CSMD3: variants seen among roughly 807,000 people sequenced by gnomAD.
CSMD3 encodes the protein CUB and sushi domain-containing protein 3.
CSMD3 carries 177 observed loss-of-function variants against 435.2 expected under a neutral mutation model. The ratio of observed to expected loss-of-function variants is 0.41; its 90% confidence interval spans 0.36 to 0.46. The LOEUF is 0.46. CSMD3 is among the 20% of genes least tolerant of loss of function. The pLI, the probability that CSMD3 is intolerant of heterozygous loss-of-function variation, is 0.34. For synonymous variants in CSMD3, 1,656 were observed against 1,520.5 expected (o/e 1.09, Z -2.07); for missense variants, 4,265 against 4,504.6 (o/e 0.95, Z 1.52).
At position 112,281,220 on chromosome 8, in the gene CSMD3, C is replaced by T. The variant is rs781662440; in HGVS notation, c.9462G>A (p.Gln3154=). ...CAGACCATGTTCCATTGGCTGTGCACTGTCTAACTGAAGGTCCAGAAAGGA... is the reference window on the plus strand; with the variant it reads ...CAGACCATGTTCCATTGGCTGTGCATTGTCTAACTGAAGGTCCAGAAAGGA... ...GYILSGPSVR[Q]CTANGTWSGT... The change falls in exon 59 of 71, where the codon CAG becomes CAA. Residue 3154 remains glutamine (Q), a synonymous_variant. Coordinates refer to ENST00000297405, the MANE Select transcript of CSMD3 (RefSeq NM_198123.2). 6.2e-7 allele frequency: 1 copy of T among 1,613,344 alleles called. No individual in the cohort carries two copies. Among genetic ancestry groups the T allele is most frequent in the Non-Finnish European group, 8.5e-7 (1 of 1,179,456 alleles).
intron 11 of CSMD3, among the ~76,000 whole-genome samples, chr8:112,841,021 A>G (rs1036925540): frequency 2.0e-5 from 3 of 151,710 alleles, no homozygotes; most frequent in Non-Finnish European, 2.9e-5. Context: ...TCAAACACTC[A>G]TATGTGTTAT....
intron 2 of CSMD3, 45 bp downstream of exon 2, chr8:113,314,526 C>T (rs1358423985): frequency 1.0e-5 from 12 of 1,173,564 alleles, no homozygotes; most frequent in Non-Finnish European, 1.4e-5. Flanking sequence ...CTACTTTTAC[C>T]CAGGAAATAT....
At chr8:113,081,717 G>C (rs2089571974) in intron 5 of CSMD3, among the ~76,000 whole-genome samples, 1 of 152,080 alleles carries the variant, frequency 6.6e-6, no homozygotes. Flanking sequence ...CTGGGACTCT[G>C]CAGATTTCTC....
At chr8:112,383,750 G>T in intron 36 of CSMD3, 87 bp from the exon 37 acceptor site, 1 of 862,808 alleles carries the variant, frequency 1.2e-6, no homozygotes, top group Non-Finnish European at 2.0e-6. Context: ...GGAAAAGAGA[G>T]TTCAAATCCT....
chr8:112,853,783 T>C (rs1475492972), intron 11 of CSMD3, among the ~76,000 whole-genome samples: 1 of 152,240 alleles, frequency 6.6e-6, no homozygotes, highest in African/African-American at 2.4e-5. Context: ...AAAGCAATAC[T>C]GTGCTAATTA....
At chr8:113,274,130 TTCAATA>T (rs1309264425) in intron 3 of CSMD3, among the ~76,000 whole-genome samples, 1 of 151,996 alleles carries the variant, frequency 6.6e-6, no homozygotes, top group Non-Finnish European at 1.5e-5. Flanking sequence ...AAATCATAAT[TTCAATA>T]TAAAAATTTT....
chr8:113,257,904 T>G (rs938634854), intron 3 of CSMD3, among the ~76,000 whole-genome samples: 12 of 152,140 alleles, frequency 7.9e-5, no homozygotes, highest in Non-Finnish European at 1.2e-4. Flanking sequence ...AAATTTTTTT[T>G]AATTTGCTGA....
intron 32 of CSMD3, among the ~76,000 whole-genome samples, chr8:112,412,749 C>T (rs1292873470): frequency 3.3e-5 from 5 of 152,010 alleles, no homozygotes; most frequent in African/African-American, 1.2e-4. Flanking sequence ...TTTATTAATT[C>T]CACCAGCATT....
chr8:112,817,138 T>C (rs1563989469), intron 12 of CSMD3, among the ~76,000 whole-genome samples: 1 of 152,156 alleles, frequency 6.6e-6, no homozygotes. Context: ...TTTATGTTGC[T>C]TGTTTTCATT....
chr8:113,426,093 A>AT (rs575549873), intron 1 of CSMD3, among the ~76,000 whole-genome samples: 33 of 151,244 alleles, frequency 2.2e-4, no homozygotes, highest in African/African-American at 7.2e-4. Context: ...AGTCAGCTGT[A>AT]TTTTTTTTGC....
intron 22 of CSMD3, among the ~76,000 whole-genome samples, chr8:112,604,766 A>G (rs1832660308): frequency 6.6e-6 from 1 of 152,188 alleles, no homozygotes; most frequent in Non-Finnish European, 1.5e-5. Flanking sequence ...AATAGCAAGA[A>G]ATACAAAAAT....
intron 9 of CSMD3, among the ~76,000 whole-genome samples, chr8:112,939,599 T>C (rs924872012): frequency 1.2e-4 from 19 of 152,060 alleles, no homozygotes; most frequent in African/African-American, 3.4e-4. Context: ...TGCAATGACA[T>C]ACTTGTTTTG....
At chr8:112,838,672 G>T (rs2080096305) in intron 11 of CSMD3, among the ~76,000 whole-genome samples, 1 of 151,692 alleles carries the variant, frequency 6.6e-6, no homozygotes, top group African/African-American at 2.4e-5. Context: ...AATGTCTAAT[G>T]CAGAGAGAGC....
At chr8:112,361,076 G>T (rs1009204816) in intron 38 of CSMD3, among the ~76,000 whole-genome samples, 2 of 151,846 alleles carry the variant, frequency 1.3e-5, no homozygotes, top group South Asian at 2.1e-4. Context: ...ATCAATAAGA[G>T]AATTTTTTTG....
intron 5 of CSMD3, among the ~76,000 whole-genome samples, chr8:113,097,928 C>A (rs2090213912): frequency 6.6e-6 from 1 of 151,970 alleles, no homozygotes; most frequent in Non-Finnish European, 1.5e-5. Context: ...TACTTCCTTA[C>A]CTCATTAATA....
chr8:112,275,583 A>G (rs770277277), intron 59 of CSMD3, among the ~76,000 whole-genome samples: 1 of 152,024 alleles, frequency 6.6e-6, no homozygotes, highest in Non-Finnish European at 1.5e-5. Flanking sequence ...GGTTTAATGG[A>G]CTCACAGTTC....
At chr8:112,608,221 T>C (rs1372559373) in intron 22 of CSMD3, among the ~76,000 whole-genome samples, 1 of 151,842 alleles carries the variant, frequency 6.6e-6, no homozygotes, top group East Asian at 1.9e-4. Context: ...TAAAAAAGAA[T>C]AAAATACTTA....
intron 5 of CSMD3, among the ~76,000 whole-genome samples, chr8:113,074,341 A>G (rs1156851773): frequency 1.3e-5 from 2 of 151,926 alleles, no homozygotes; most frequent in Non-Finnish European, 2.9e-5. Context: ...TCTAAAAAAG[A>G]AAATGCAACA....
At chr8:112,902,780 T>A (rs1253444584) in intron 10 of CSMD3, among the ~76,000 whole-genome samples, 3 of 151,330 alleles carry the variant, frequency 2.0e-5, no homozygotes, top group African/African-American at 7.3e-5. Context: ...GTGATTGACC[T>A]ATTGTCACAA....
Sources: gnomAD v4.1 joint callset for allele counts (sites outside exome capture counted in the v4.1 genomes callset) on GRCh38, gnomAD v4.1.1 for gene constraint, MANE v1.5 for transcripts, NCBI Gene and HGNC (gene_info 2026-07-23, HGNC 2026-07-21) for gene names.